The following SKI variants were observed in gnomAD, a reference collection of about 807,000 sequenced individuals.
SKI encodes the protein SKI proto-oncogene.
SKI carries 23 observed loss-of-function variants against 59.3 expected under a neutral mutation model. The ratio of observed to expected loss-of-function variants is 0.39; its 90% CI spans 0.28 to 0.55. The LOEUF is 0.55. SKI is among the 20% of genes least tolerant of loss of function. SKI has a pLI of 0.67. For missense variants in SKI, 1,017 were observed against 1,038.9 expected, an observed-to-expected ratio of 0.98 and a Z score of 0.29; for synonymous variants, 673 against 488.6, an observed-to-expected ratio of 1.38 and a Z score of -4.98.
At chr1:2,237,051 G>A (rs1638762913) in intron 1 of SKI, among the ~76,000 whole-genome samples, 1 of 152,180 alleles carries the variant, frequency 6.6e-6, no homozygotes, top group African/African-American at 2.4e-5. Flanking sequence ...TGTCCTGAGG[G>A]TTCCACCCCA....
chr1:2,258,312 C>T (rs1446880710), intron 1 of SKI, among the ~76,000 whole-genome samples: 1 of 152,108 alleles, frequency 6.6e-6, no homozygotes, highest in East Asian at 1.9e-4. Context: ...TGTGTGGGAC[C>T]AGCTCAGATG....
intron 5 of SKI, among the ~76,000 whole-genome samples, chr1:2,305,166 C>T (rs1180693891): frequency 2.0e-5 from 3 of 152,368 alleles, no homozygotes; most frequent in East Asian, 3.9e-4. Context: ...CACGCTGCTT[C>T]TCTGGGCTCT....
chr1:2,241,949 C>CTGTGTGTG (rs34969427), intron 1 of SKI, among the ~76,000 whole-genome samples: 1 of 150,136 alleles, frequency 6.7e-6, no homozygotes, highest in African/African-American at 2.4e-5. Context: ...GCATGCCTGT[C>CTGTGTGTG]TGTGTGTGTG....
rs761314970 is a variant in SKI, at chr1:2,229,811, C to G, written c.969+76C>G. ...CCCCTTCTGGACTACAGGCTCTGGT[C>G]TCCGAAGGCTGGGACCTGTGCTTCT... On this transcript the variant is annotated intron_variant, in intron 1 of 6. Transcript: ENST00000378536. This position sits in a 1 kb window ranked among gnomAD's most constrained non-coding sequence, Gnocchi z 6.3. 6.5e-7 allele frequency: 1 copy of G among 1,547,142 alleles called. No homozygotes were observed. Among genetic ancestry groups the G allele is most frequent in the African/African-American group, 1.4e-5 (1 of 73,068 alleles).
chr1:2,293,834 T>A (rs1640223524), intron 1 of SKI, among the ~76,000 whole-genome samples: 1 of 152,204 alleles, frequency 6.6e-6, no homozygotes, highest in African/African-American at 2.4e-5. Flanking sequence ...CCGTGCCAGG[T>A]GAGCAGGCCT....
chr1:2,275,021 C>T (rs1314743762), intron 1 of SKI, among the ~76,000 whole-genome samples: 1 of 152,190 alleles, frequency 6.6e-6, no homozygotes, highest in Non-Finnish European at 1.5e-5. Context: ...AGGCTGGGCA[C>T]CTCTCACCCA....
At chr1:2,283,518 C>T (rs946510244) in intron 1 of SKI, among the ~76,000 whole-genome samples, 6 of 152,224 alleles carry the variant, frequency 3.9e-5, no homozygotes, top group East Asian at 1.9e-4. Context: ...CCAAAGCCAT[C>T]GTGCTGTCGC....
At chr1:2,255,087 C>T (rs1030807603) in intron 1 of SKI, among the ~76,000 whole-genome samples, 16 of 152,030 alleles carry the variant, frequency 1.1e-4, no homozygotes, top group Admixed American at 8.5e-4. Context: ...TTTCTTTTGT[C>T]TTTTATCTTT....
intron 1 of SKI, among the ~76,000 whole-genome samples, chr1:2,252,599 G>T (rs1398596134): frequency 9.4e-6 from 1 of 105,872 alleles, no homozygotes; most frequent in Non-Finnish European, 2.0e-5. Context: ...GCTCAGGGAA[G>T]GGAGCAGCCC....
intron 4 of SKI, 75 bp downstream of exon 4, chr1:2,304,177 CG>C: frequency 1.3e-6 from 2 of 1,588,692 alleles, no homozygotes; most frequent in Middle Eastern, 1.8e-4. Context: ...GGCTGGTCGC[CG>C]GGGGTGCGTT....
At chr1:2,266,304 A>T (rs999694515) in intron 1 of SKI, among the ~76,000 whole-genome samples, 1 of 152,138 alleles carries the variant, frequency 6.6e-6, no homozygotes, top group Non-Finnish European at 1.5e-5. Flanking sequence ...ACATACTGTG[A>T]TCTGGGGTCT....
intron 1 of SKI, among the ~76,000 whole-genome samples, chr1:2,301,717 C>A (rs1379010310): frequency 6.6e-6 from 1 of 152,254 alleles, no homozygotes; most frequent in Non-Finnish European, 1.5e-5. Context: ...GAGCCCCCGG[C>A]CCTGAGTGTG....
Position 2,269,303 on chromosome 1 carries a change from C to T in SKI, c.970-33675C>T, listed in dbSNP as rs1218813685. On this transcript the variant is annotated intron_variant, in intron 1 of 6. Transcript: ENST00000378536. This position sits in a 1 kb window ranked among gnomAD's most constrained non-coding sequence, Gnocchi z 4.7. ...GGGAAGAAAGCACCGCTGGCCATGACTGGGCAGAGCCAGAGAGTGACTAAG... is the reference window on the plus strand; with the variant it reads ...GGGAAGAAAGCACCGCTGGCCATGATTGGGCAGAGCCAGAGAGTGACTAAG... Among the ~76,000 whole-genome samples the T allele has an allele frequency of 6.6e-6, 1 of 152,212 alleles. No individual in the cohort carries two copies. Among genetic ancestry groups the T allele is most frequent in the Non-Finnish European group, 1.5e-5 (1 of 68,042 alleles).
chr1:2,266,404 G>T (rs1256433724), intron 1 of SKI, among the ~76,000 whole-genome samples: 1 of 152,184 alleles, frequency 6.6e-6, no homozygotes, highest in Admixed American at 6.5e-5. Flanking sequence ...CAGCCGCCAT[G>T]CTCTCCCTGA....
At chr1:2,252,766 C>T (rs1440828024) in intron 1 of SKI, among the ~76,000 whole-genome samples, 1 of 152,078 alleles carries the variant, frequency 6.6e-6, no homozygotes, top group Non-Finnish European at 1.5e-5. Context: ...ATGGTCCCAG[C>T]GCATCCGTGG....
intron 1 of SKI, among the ~76,000 whole-genome samples, chr1:2,257,373 G>A (rs1037261384): frequency 1.3e-5 from 2 of 152,248 alleles, no homozygotes; most frequent in African/African-American, 4.8e-5. Flanking sequence ...GCCCGCGGAT[G>A]GCTCTTATGC....
At chr1:2,287,421 C>T (rs1640062350) in intron 1 of SKI, among the ~76,000 whole-genome samples, 1 of 151,000 alleles carries the variant, frequency 6.6e-6, no homozygotes. Context: ...ACTGCAAGCT[C>T]CGCCTCCCGG....
At chr1:2,282,217 AGG>A (rs1311160308) in intron 1 of SKI, among the ~76,000 whole-genome samples, 9 of 7,708 alleles carry the variant, frequency 1.2e-3, no homozygotes, top group Non-Finnish European at 1.1e-3. Flanking sequence ...CTGAGAAGAC[AGG>A]CGGTGGCGGA....
At chr1:2,239,578 G>C (rs1330559889) in intron 1 of SKI, among the ~76,000 whole-genome samples, 1 of 152,266 alleles carries the variant, frequency 6.6e-6, no homozygotes, top group Non-Finnish European at 1.5e-5. Flanking sequence ...TTTCAACCTG[G>C]ATGGCCCGCG....
Sources: gnomAD v4.1 joint callset for allele counts (sites outside exome capture counted in the v4.1 genomes callset) on GRCh38, gnomAD v4.1.1 for gene constraint, Gnocchi (gnomAD v3.1) non-coding constraint, MANE v1.5 for transcripts, NCBI Gene and HGNC (gene_info 2026-07-23, HGNC 2026-07-21) for gene names.